LOXHD1: variants seen among roughly 807,000 people sequenced by gnomAD.
LOXHD1 encodes the protein lipoxygenase homology domain-containing protein 1.
LOXHD1 carries 205 observed loss-of-function variants against 248.2 expected under a neutral mutation model. The observed-to-expected ratio is 0.83, with a 90% CI of 0.74 to 0.93. The LOEUF (loss-of-function observed/expected upper bound fraction) is 0.93, where lower values mean the gene tolerates loss of function less well. LOXHD1 is among the 40% of genes least tolerant of loss of function. The probability of loss-of-function intolerance (pLI) is 0.00; values close to 1 mark genes in which losing one functional copy is unlikely to be tolerated. For missense variants in LOXHD1, 2,930 were observed against 2,971.6 expected, an observed-to-expected ratio of 0.99 and a Z score of 0.33; for synonymous variants, 1,113 against 1,162.8, an observed-to-expected ratio of 0.96 and a Z score of 0.87.
At chr18:46,518,022 A>G in intron 34 of LOXHD1, 107 bp downstream of exon 34, 7 of 1,382,526 alleles carry the variant, frequency 5.1e-6, no homozygotes, top group Non-Finnish European at 7.0e-6. Context: ...GGAAGGCCTC[A>G]TGGTCTGCAG....
chr18:46,639,676 C>A lies in LOXHD1; in HGVS notation c.451G>T (p.Gly151Cys). Residue 151 changes from glycine (G) to cysteine (C), a missense_variant, in exon 4 of 41, where the codon GGT becomes TGT. Coordinates refer to ENST00000642948, the MANE Select transcript of LOXHD1 (RefSeq NM_001384474.1). ...AGGTCACGGCACCACTGGCGGTCACCTTCCACCTTGCTCAGCCAGTTGTTG... is the reference window on the plus strand; with the variant it reads ...AGGTCACGGCACCACTGGCGGTCACATTCCACCTTGCTCAGCCAGTTGTTG... ...NCNNWLSKVE[G>C]DRQWCRDLLA... 6.4e-7 allele frequency: 1 copy of A among 1,551,750 alleles called. No homozygotes were observed. The highest frequency in any genetic ancestry group is 8.7e-7 in the Non-Finnish European group (1 of 1,146,998).
chr18:46,532,961 T>C (rs1282660350), intron 28 of LOXHD1, among the ~76,000 whole-genome samples: 1 of 152,238 alleles, frequency 6.6e-6, no homozygotes, highest in Non-Finnish European at 1.5e-5. Context: ...CTTTGAAGAC[T>C]AGCTCGGCCA....
At chr18:46,634,754 A>G (rs901316671) in intron 4 of LOXHD1, among the ~76,000 whole-genome samples, 2 of 152,190 alleles carry the variant, frequency 1.3e-5, no homozygotes, top group Non-Finnish European at 2.9e-5. Context: ...TTACAGAGAC[A>G]GAAAGTAGAA....
intron 1 of LOXHD1, among the ~76,000 whole-genome samples, chr18:46,653,687 T>C (rs2039141499): frequency 6.6e-6 from 1 of 152,176 alleles, no homozygotes; most frequent in Admixed American, 6.5e-5. Flanking sequence ...AATGAAACAA[T>C]CAATGAATAA....
chr18:46,538,056 C>T lies in LOXHD1; in HGVS notation c.4095+100G>A, dbSNP rs551544056. ...CTCACCTTCCTCTCTAATAGCAGTG[C>T]ATCAGGATGAAGGGCATGTGTTCTG... On this transcript the variant is annotated intron_variant, in intron 26 of 40. Coordinates refer to ENST00000642948, the MANE Select transcript of LOXHD1 (RefSeq NM_001384474.1). 9 of 1,069,186 alleles carry T rather than the reference C, an allele frequency of 8.4e-6. No individual in the cohort carries two copies. The Admixed American group carries it at 1.7e-4, about 20-fold the overall frequency. The allele number at this position is 1,069,186 out of a possible 1,614,324, so 66.2% of individuals were successfully genotyped here.
chr18:46,578,013 T>C, intron 13 of LOXHD1, 146 bp from the exon 14 acceptor site: 1 of 776,646 alleles, frequency 1.3e-6, no homozygotes, highest in Admixed American at 2.3e-5. Flanking sequence ...GAGCTACCTA[T>C]AAAGCACAGC....
chr18:46,562,615 A>G (rs1479801928), intron 18 of LOXHD1, among the ~76,000 whole-genome samples: 1 of 152,046 alleles, frequency 6.6e-6, no homozygotes, highest in East Asian at 1.9e-4. Flanking sequence ...AGAACTGTAG[A>G]CTCAGAGGCC....
intron 18 of LOXHD1, 136 bp downstream of exon 18, chr18:46,562,929 A>G (rs977794401): frequency 1.1e-5 from 11 of 1,028,804 alleles, no homozygotes; most frequent in African/African-American, 1.6e-5. Context: ...TGGAGAGAGG[A>G]AGCATTTTCC....
chr18:46,639,245 G>T (rs1006816838), intron 4 of LOXHD1, among the ~76,000 whole-genome samples: 1 of 152,114 alleles, frequency 6.6e-6, no homozygotes, highest in Non-Finnish European at 1.5e-5. Flanking sequence ...CTTGGGCATC[G>T]TAAGAAAAGA....
intron 28 of LOXHD1, among the ~76,000 whole-genome samples, chr18:46,531,220 C>T (rs934468929): frequency 6.6e-6 from 1 of 152,104 alleles, no homozygotes; most frequent in African/African-American, 2.4e-5. Context: ...GGACCAGCCA[C>T]ACTTGCTCCC....
At chr18:46,510,886 AT>A (rs2034919625) in intron 34 of LOXHD1, among the ~76,000 whole-genome samples, 1 of 152,360 alleles carries the variant, frequency 6.6e-6, no homozygotes, top group African/African-American at 2.4e-5. Context: ...CCCTCTGGGC[AT>A]AATGGAAACT....
chr18:46,538,458 C>G (rs767856733), intron 25 of LOXHD1, 121 bp from the exon 26 acceptor site: 3 of 984,262 alleles, frequency 3.0e-6, no homozygotes, highest in Non-Finnish European at 4.6e-6. Context: ...AACTGCTGCC[C>G]GGGGAACTGC....
chr18:46,494,632 G>A (rs964748424), intron 37 of LOXHD1, among the ~76,000 whole-genome samples: 4 of 152,238 alleles, frequency 2.6e-5, no homozygotes, highest in African/African-American at 7.2e-5. Flanking sequence ...TGGCAGATCA[G>A]GTTGCAGTCT....
chr18:46,507,528 C>G lies in LOXHD1; in HGVS notation c.5692+10G>C, dbSNP rs914520689. The stretch of plus-strand genomic sequence containing the variant: ...AAGGGAGCGGGAGGTGTGAGGGACC[C>G]CCGACCCACCCAGGATGTCGCTGGT... On this transcript the variant is annotated intron_variant, in intron 36 of 40. Coordinates refer to ENST00000642948, the MANE Select transcript of LOXHD1 (RefSeq NM_001384474.1). 1 of 1,551,490 alleles carries G rather than the reference C, an allele frequency of 6.4e-7. No homozygotes were observed. The highest frequency in any genetic ancestry group is 2.4e-5 in the East Asian group (1 of 40,922).
chr18:46,601,303 C>T lies in LOXHD1; in HGVS notation c.1048G>A (p.Glu350Lys), dbSNP rs1208866918. The T allele has an allele frequency of 6.4e-7, 1 of 1,551,706 alleles. No individual in the cohort carries two copies. Among genetic ancestry groups the T allele is most frequent in the Non-Finnish European group, 8.7e-7 (1 of 1,147,004 alleles). The change falls in exon 8 of 41, where the codon GAG becomes AAG. Residue 350 changes from glutamate (E) to lysine (K), a missense_variant. Coordinates refer to ENST00000642948, the MANE Select transcript of LOXHD1 (RefSeq NM_001384474.1). ...DRGRTDIFHI[E>K]LAVLLSPLSR... ...AGGGGGCTAAGGAGGACAGCCAGCT[C>T]GATGTGGAAGATGTCCGTGCGGCCT...
chr18:46,543,478 T>G (rs1598960960), intron 23 of LOXHD1, among the ~76,000 whole-genome samples: 1 of 152,182 alleles, frequency 6.6e-6, no homozygotes, highest in Non-Finnish European at 1.5e-5. Flanking sequence ...GAGGTTTTTT[T>G]ACATACGTAT....
chr18:46,620,719 AG>A (rs1248883270), intron 4 of LOXHD1, among the ~76,000 whole-genome samples: 3 of 152,170 alleles, frequency 2.0e-5, no homozygotes, highest in African/African-American at 7.2e-5. Context: ...AAAGTGCCAT[AG>A]GTGAGAGGAT....
intron 33 of LOXHD1, 42 bp downstream of exon 33, chr18:46,521,055 C>A (rs1190256104): frequency 6.5e-7 from 1 of 1,536,556 alleles, no homozygotes; most frequent in Admixed American, 2.0e-5. Flanking sequence ...TCAACCTGCA[C>A]TGCCCTGGCC....
chr18:46,513,561 G>C (rs1452086942), intron 34 of LOXHD1, among the ~76,000 whole-genome samples: 1 of 152,198 alleles, frequency 6.6e-6, no homozygotes, highest in Non-Finnish European at 1.5e-5. Flanking sequence ...GCAGAGATGG[G>C]AAGACCTGGC....
Sources: gnomAD v4.1 joint callset for allele counts (sites outside exome capture counted in the v4.1 genomes callset) on GRCh38, gnomAD v4.1.1 for gene constraint, MANE v1.5 for transcripts, NCBI Gene and HGNC (gene_info 2026-07-23, HGNC 2026-07-21) for gene names.